The following PRICKLE2 variants were observed in gnomAD, a reference collection of about 807,000 sequenced individuals.
PRICKLE2 encodes the protein prickle-like protein 2.
In PRICKLE2, 21 loss-of-function variants were observed where a neutral mutation model predicts 81.4. The observed-to-expected ratio is 0.26, with a 90% CI of 0.18 to 0.37. PRICKLE2 has a LOEUF of 0.37. PRICKLE2 is among the 10% of genes least tolerant of loss of function. The probability of loss-of-function intolerance (pLI) is 1.00; values close to 1 mark genes in which losing one functional copy is unlikely to be tolerated. For missense variants in PRICKLE2, 940 were observed against 1,109.0 expected (o/e 0.85, Z 2.16); for synonymous variants, 456 against 421.5 (o/e 1.08, Z -1.00).
At chr3:64,190,828 T>C (rs965742813) in intron 2 of PRICKLE2, among the ~76,000 whole-genome samples, 8 of 152,120 alleles carry the variant, frequency 5.3e-5, no homozygotes, top group Admixed American at 5.2e-4. Flanking sequence ...AAGACTCCCT[T>C]TGCACTCTGA....
chr3:64,230,015 T>C (rs551898223), upstream of PRICKLE2, among the ~76,000 whole-genome samples: 5 of 152,338 alleles, frequency 3.3e-5, no homozygotes, highest in Non-Finnish European at 7.4e-5. Flanking sequence ...AGGGATCTAC[T>C]CTGCTTCCTT....
intron 7 of PRICKLE2, chr3:64,101,479 G>T (rs2076661440): frequency 6.6e-6 from 1 of 152,178 alleles, no homozygotes; most frequent in African/African-American, 2.4e-5. Flanking sequence ...TATGGCAGGG[G>T]TTTGTCAGAA....
intron 7 of PRICKLE2, among the ~76,000 whole-genome samples, chr3:64,112,225 C>T (rs1393791561): frequency 6.6e-6 from 1 of 152,210 alleles, no homozygotes; most frequent in Non-Finnish European, 1.5e-5. Context: ...CCACACCCCT[C>T]CTTTCCCCAT....
intron 7 of PRICKLE2, among the ~76,000 whole-genome samples, chr3:64,106,243 G>A (rs961384461): frequency 2.0e-5 from 3 of 152,192 alleles, no homozygotes; most frequent in African/African-American, 7.2e-5. Flanking sequence ...TGCTGGGGCA[G>A]AGACATGAAG....
chr3:64,147,746 A>G lies in PRICKLE2; in HGVS notation c.788-44T>C, dbSNP rs2077481305. 2 of 1,609,202 alleles carry G rather than the reference A, an allele frequency of 1.2e-6. No individual in the cohort carries two copies. Among genetic ancestry groups the G allele is most frequent in the East Asian group, 2.2e-5 (1 of 44,852 alleles). ...TTGGAGAGGCTGATGAGCTGCTCAG[A>G]GCTCTGCACTGGGACGTGAAACACA... is the stretch of plus-strand genomic sequence containing the variant. On this transcript the variant is annotated intron_variant, in intron 6 of 7. Coordinates refer to ENST00000638394, the MANE Select transcript of PRICKLE2 (RefSeq NM_198859.4). The surrounding 1 kb of genome is among the most constrained non-coding windows in gnomAD (Gnocchi z 5.0).
intron 2 of PRICKLE2, among the ~76,000 whole-genome samples, chr3:64,180,962 G>C (rs1190563674): frequency 6.6e-6 from 1 of 152,170 alleles, no homozygotes; most frequent in Non-Finnish European, 1.5e-5. Context: ...CCTTTCATAA[G>C]CAACTTTCCT....
chr3:64,100,057 A>T, intron 7 of PRICKLE2, 132 bp from the exon 8 acceptor site: 1 of 982,430 alleles, frequency 1.0e-6, no homozygotes, highest in South Asian at 1.5e-5. Context: ...AGGCCCTCTC[A>T]GGGGGCACAT....
rs574505296 is a variant in PRICKLE2, at chr3:64,248,550, C to T, written c.129-49583G>A. Reference sequence around the variant, plus strand: ...GGTGACTTGAACCACAGATCAATCACCATTCACATCAAAGGAGTAAGAGGT... The same window carrying T: ...GGTGACTTGAACCACAGATCAATCATCATTCACATCAAAGGAGTAAGAGGT... On this transcript the variant is annotated intron_variant, in intron 2 of 8. Coordinates refer to the PRICKLE2 transcript ENST00000295902. 1.8e-4 allele frequency among the ~76,000 whole-genome samples: 27 copies of T among 152,164 alleles called. No homozygotes were observed. In the South Asian group the frequency reaches 5.2e-3, roughly 29 times the overall value.
chr3:64,113,451 C>T (rs957622979), intron 7 of PRICKLE2, among the ~76,000 whole-genome samples: 3 of 152,142 alleles, frequency 2.0e-5, no homozygotes, highest in African/African-American at 7.2e-5. Context: ...CACAGCATAG[C>T]TTCTGTGCCA....
chr3:64,163,175 A>C, intron 2 of PRICKLE2, 46 bp from the exon 3 acceptor site: 1 of 1,126,400 alleles, frequency 8.9e-7, no homozygotes, highest in Non-Finnish European at 1.4e-6. Context: ...TACTCAAACC[A>C]TGTGCCTATT....
intron 2 of PRICKLE2, among the ~76,000 whole-genome samples, chr3:64,243,044 T>C (rs1220987827): frequency 6.6e-6 from 1 of 152,224 alleles, no homozygotes; most frequent in Admixed American, 6.5e-5. Flanking sequence ...GGATTTGGAC[T>C]TAGGTCTGTC....
chr3:64,123,046 G>A (rs1437295873), intron 7 of PRICKLE2, among the ~76,000 whole-genome samples: 1 of 152,194 alleles, frequency 6.6e-6, no homozygotes, highest in East Asian at 1.9e-4. Context: ...TCCTCAGCAG[G>A]ATTTGTGGTT....
At chr3:64,148,507 C>T (rs770034837) in intron 6 of PRICKLE2, among the ~76,000 whole-genome samples, 2 of 151,998 alleles carry the variant, frequency 1.3e-5, no homozygotes, top group African/African-American at 4.8e-5. Flanking sequence ...GTAGATAGAT[C>T]GAGTGAATCC....
chr3:64,094,772 T>C lies in PRICKLE2; in HGVS notation c.*4279A>G, dbSNP rs1040520952. The C allele has an allele frequency of 6.5e-6, 1 of 152,698 alleles. No individual in the cohort carries two copies. The highest frequency in any genetic ancestry group is 2.4e-5 in the African/African-American group (1 of 41,476). The allele number at this position is 152,698 out of a possible 1,614,324, so 9.5% of individuals were successfully genotyped here. A position where few individuals can be genotyped will look rare whatever the true frequency, so the allele number is the denominator to read the frequency against. On this transcript the variant is annotated 3_prime_UTR_variant, in exon 8 of 8. Coordinates refer to ENST00000638394, the MANE Select transcript of PRICKLE2 (RefSeq NM_198859.4). ...CTGGAGACAAGGCAAAGGCCATTTC[T>C]ACTTCTCTTGTGCTTAAAGAAATGT...
chr3:64,260,559 G>C (rs1186260309), intron 2 of PRICKLE2, among the ~76,000 whole-genome samples: 1 of 152,190 alleles, frequency 6.6e-6, no homozygotes, highest in Non-Finnish European at 1.5e-5. Flanking sequence ...TCCTGTCTTA[G>C]TAACTCAATG....
Position 64,169,585 on chromosome 3 carries a change from C to T in PRICKLE2, c.145-6456G>A, listed in dbSNP as rs146573184. On this transcript the variant is annotated intron_variant, in intron 2 of 7. Coordinates refer to ENST00000638394, the MANE Select transcript of PRICKLE2 (RefSeq NM_198859.4). ...GAAAAGGAGGCCAGAACTATGCACT[C>T]TTAACACCTCAGACCACTCCAGGAG... Among the ~76,000 whole-genome samples the T allele has an allele frequency of 4.2e-3, 636 of 152,250 alleles. 4 individuals carry two copies. The highest frequency in any genetic ancestry group is 0.015 in the African/African-American group (605 of 41,522).
chr3:64,266,712 T>C (rs1047453384), intron 2 of PRICKLE2, among the ~76,000 whole-genome samples: 1 of 152,184 alleles, frequency 6.6e-6, no homozygotes, highest in Admixed American at 6.5e-5. Flanking sequence ...TCCATGTCTC[T>C]AATTACTCAA....
chr3:64,121,479 T>A (rs1220871817), intron 7 of PRICKLE2, among the ~76,000 whole-genome samples: 1 of 151,856 alleles, frequency 6.6e-6, no homozygotes, highest in Non-Finnish European at 1.5e-5. Flanking sequence ...TATCTGCTTA[T>A]AATTTCTGTC....
intron 2 of PRICKLE2, among the ~76,000 whole-genome samples, chr3:64,249,037 A>G (rs1289256126): frequency 2.0e-5 from 3 of 152,204 alleles, no homozygotes; most frequent in Non-Finnish European, 4.4e-5. Flanking sequence ...AGGAAAATAA[A>G]TACATTAACA....
Sources: gnomAD v4.1 joint callset for allele counts (sites outside exome capture counted in the v4.1 genomes callset) on GRCh38, gnomAD v4.1.1 for gene constraint, Gnocchi (gnomAD v3.1) non-coding constraint, MANE v1.5 for transcripts, NCBI Gene and HGNC (gene_info 2026-07-23, HGNC 2026-07-21) for gene names.